FAH: variants seen among roughly 807,000 people sequenced by gnomAD.
FAH encodes the protein fumarylacetoacetate hydrolase.
A neutral mutation model predicts 55.8 loss-of-function variants in FAH; 47 were observed. The observed-to-expected ratio is 0.84, with a 90% CI of 0.67 to 1.07. FAH has a LOEUF of 1.07. Ranked by LOEUF, FAH falls within the 50% of genes least tolerant of loss-of-function variation. The probability of loss-of-function intolerance (pLI) is 0.00; values close to 1 mark genes in which losing one functional copy is unlikely to be tolerated. For synonymous variants in FAH, 199 were observed against 207.7 expected (o/e 0.96, Z 0.36); for missense variants, 495 against 545.9 (o/e 0.91, Z 0.93).
At chr15:80,167,732 A>G (rs996081458) in intron 5 of FAH, among the ~76,000 whole-genome samples, 6 of 152,152 alleles carry the variant, frequency 3.9e-5, no homozygotes, top group African/African-American at 1.2e-4. Flanking sequence ...GGGTTTCACC[A>G]TGTTACCCAG....
chr15:80,173,497 C>A, intron 9 of FAH: 1 of 392,446 alleles, frequency 2.5e-6, no homozygotes, highest in Non-Finnish European at 4.9e-6. Context: ...TTGTTCTGTG[C>A]AAATGGCGCC....
Position 80,180,155 on chromosome 15 carries a change from C to T in FAH, c.992C>T (p.Thr331Ile). The part of the protein sequence containing the change: ...YMYWTMLQQL[T>I]HHSVNGCNLR... The stretch of plus-strand genomic sequence containing the variant: ...TACTGGACGATGCTGCAGCAGCTCA[C>T]TCACCACTCTGTCAACGGCTGCAAC... The change falls in exon 12 of 14, where the codon ACT becomes ATT. Residue 331 changes from threonine (T) to isoleucine (I), a missense_variant. Physicochemically the swap from Thr to Ile is moderately conservative, Grantham distance 89 (BLOSUM62 -1). Transcript: ENST00000561421. The T allele has an allele frequency of 6.2e-7, 1 of 1,611,096 alleles. No homozygotes were observed. Among genetic ancestry groups the T allele is most frequent in the East Asian group, 2.2e-5 (1 of 44,878 alleles).
intron 7 of FAH, among the ~76,000 whole-genome samples, chr15:80,168,870 A>C (rs1595893395): frequency 2.0e-5 from 3 of 152,314 alleles, no homozygotes; most frequent in Admixed American, 2.0e-4. Context: ...TGTTCAGGCA[A>C]GTTACAGTGC....
At chr15:80,155,805 A>T (rs1461701422) in intron 1 of FAH, 6 of 443,064 alleles carry the variant, frequency 1.4e-5, no homozygotes, top group Admixed American at 9.5e-5. Flanking sequence ...TCTTCCCTCT[A>T]AGGTAGCCGA....
chr15:80,186,284 C>T lies in FAH; in HGVS notation c.*75C>T, dbSNP rs565466524. ...CCTGTGACTGGGGTCCTCCCTCGGG[C>T]TGTAGGCCTGGTCCGCCATTCAGTG... On this transcript the variant is annotated 3_prime_UTR_variant, in exon 14 of 14. Coordinates refer to ENST00000561421, the MANE Select transcript of FAH (RefSeq NM_000137.4). 1.4e-5 allele frequency: 17 copies of T among 1,214,902 alleles called. No homozygotes were observed. In the African/African-American group the frequency reaches 2.5e-4, roughly 18 times the overall value. 75.3% of individuals were successfully genotyped at this position (1,214,902 alleles called of 1,614,324 possible).
intron 7 of FAH, among the ~76,000 whole-genome samples, chr15:80,169,711 T>G (rs2041224030): frequency 6.6e-6 from 1 of 152,160 alleles, no homozygotes; most frequent in East Asian, 2.0e-4. Context: ...TTTTTTGTAT[T>G]TTTAGTAGAG....
intron 1 of FAH, among the ~76,000 whole-genome samples, chr15:80,153,695 C>T (rs1449053179): frequency 6.6e-6 from 1 of 152,166 alleles, no homozygotes; most frequent in African/African-American, 2.4e-5. Flanking sequence ...GGCTCCCTGG[C>T]ATTCCCCTAC....
intron 12 of FAH, 64 bp downstream of exon 12, chr15:80,180,289 A>G (rs962173342): frequency 6.0e-6 from 8 of 1,326,706 alleles, no homozygotes; most frequent in Admixed American, 1.7e-5. Context: ...CACAGCCCCA[A>G]GGGCCCTCAG....
chr15:80,173,178 C>T (rs2041256201), intron 9 of FAH, 34 bp downstream of exon 9: 3 of 1,614,134 alleles, frequency 1.9e-6, no homozygotes, highest in Non-Finnish European at 2.5e-6. Flanking sequence ...CTCCCAAACC[C>T]AGCCCTGCTG....
At chr15:80,170,343 TGAGACAGTGGGAA>T (rs1215252380) in intron 7 of FAH, among the ~76,000 whole-genome samples, 1 of 152,134 alleles carries the variant, frequency 6.6e-6, no homozygotes, top group Non-Finnish European at 1.5e-5. Context: ...CGAGTCAGGC[TGAGACAGTGGGAA>T]GCCCTGGTTG....
chr15:80,168,388 C>T, intron 7 of FAH, 72 bp downstream of exon 7: 3 of 1,511,916 alleles, frequency 2.0e-6, no homozygotes, highest in South Asian at 1.1e-5. Context: ...GGGATGGCTC[C>T]CCGCACCATG....
intron 5 of FAH, among the ~76,000 whole-genome samples, chr15:80,164,111 T>A (rs1287748731): frequency 6.6e-6 from 1 of 152,232 alleles, no homozygotes; most frequent in Non-Finnish European, 1.5e-5. Flanking sequence ...CTTGGTGGCT[T>A]AAAACACAAA....
At chr15:80,177,361 T>C in intron 10 of FAH, 176 bp from the exon 11 acceptor site, 1 of 648,268 alleles carries the variant, frequency 1.5e-6, no homozygotes, top group South Asian at 1.8e-5. Context: ...TGTGTGCATG[T>C]ATTGGCCAAC....
chr15:80,154,149 T>C (rs886515931), intron 1 of FAH, among the ~76,000 whole-genome samples: 3 of 152,180 alleles, frequency 2.0e-5, no homozygotes, highest in Non-Finnish European at 4.4e-5. Context: ...AAGTGGACAC[T>C]CAATCCCCTG....
At chr15:80,172,047 C>G in intron 7 of FAH, 102 bp from the exon 8 acceptor site, 1 of 858,754 alleles carries the variant, frequency 1.2e-6, no homozygotes, top group Non-Finnish European at 2.0e-6. Context: ...CAGTCCTGGT[C>G]CATGGCTGGA....
intron 10 of FAH, among the ~76,000 whole-genome samples, chr15:80,177,082 G>A (rs1007873264): frequency 6.6e-6 from 1 of 152,214 alleles, no homozygotes; most frequent in Non-Finnish European, 1.5e-5. Flanking sequence ...TGTTTAGTAC[G>A]TTGTGAAGTA....
intron 11 of FAH, among the ~76,000 whole-genome samples, chr15:80,177,784 G>A (rs556121297): frequency 6.6e-6 from 1 of 152,270 alleles, no homozygotes; most frequent in South Asian, 2.1e-4. Flanking sequence ...GCATAAATGT[G>A]GCCAGTGATT....
At chr15:80,180,299 G>A in intron 12 of FAH, 74 bp downstream of exon 12, 1 of 1,215,032 alleles carries the variant, frequency 8.2e-7, no homozygotes, top group South Asian at 1.2e-5. Flanking sequence ...AGGGCCCTCA[G>A]CTCAGCCTCG....
chr15:80,154,060 C>T (rs1030079007), intron 1 of FAH, among the ~76,000 whole-genome samples: 5 of 152,186 alleles, frequency 3.3e-5, no homozygotes, highest in East Asian at 1.9e-4. Flanking sequence ...GGCCTGTCTG[C>T]GGTAAGTGCT....
Sources: allele counts gnomAD v4.1 joint callset (sites outside exome capture counted in the v4.1 genomes callset), GRCh38; gene constraint gnomAD v4.1.1; transcripts MANE v1.5; gene names NCBI Gene and HGNC (gene_info 2026-07-23, HGNC 2026-07-21).